Variants in PTBP3 observed in about 807,000 individuals in gnomAD.
The protein encoded by PTBP3 is polypyrimidine tract binding protein 3.
Under a neutral mutation model 58.7 loss-of-function variants are expected in PTBP3, and 20 were observed. The ratio of observed to expected loss-of-function variants is 0.34; its 90% CI spans 0.24 to 0.50. The LOEUF (loss-of-function observed/expected upper bound fraction) is 0.50, where lower values mean the gene tolerates loss of function less well. Among genes scored for constraint, PTBP3 ranks in the 20% least tolerant of loss-of-function variants. The pLI is 0.98. For synonymous variants in PTBP3, 185 were observed against 219.8 expected (o/e 0.84, Z 1.40); for missense variants, 509 against 637.2 (o/e 0.80, Z 2.17).
chr9:112,348,332 CTG>C, the PTBP3 span, among the ~76,000 whole-genome samples: 1 of 152,250 alleles, frequency 6.6e-6, no homozygotes, highest in Non-Finnish European at 1.5e-5. Context: ...ACACCTAAAA[CTG>C]GTGATCAGCA....
the PTBP3 span, among the ~76,000 whole-genome samples, chr9:112,339,628 A>G: frequency 6.8e-6 from 1 of 147,870 alleles, no homozygotes; most frequent in Admixed American, 6.8e-5. Context: ...CAGTGGAATG[A>G]TCTCGGCTCA....
At chr9:112,298,728 C>T (rs1001487154) in intron 1 of PTBP3, among the ~76,000 whole-genome samples, 1 of 152,170 alleles carries the variant, frequency 6.6e-6, no homozygotes, top group Non-Finnish European at 1.5e-5. Context: ...AGTGCTACAG[C>T]ACATATTTAA....
At chr9:112,246,418 G>A (rs925091341) in intron 7 of PTBP3, among the ~76,000 whole-genome samples, 3 of 152,122 alleles carry the variant, frequency 2.0e-5, no homozygotes, top group African/African-American at 7.2e-5. Flanking sequence ...AGGTAGGACA[G>A]GCGCGGTGGC....
chr9:112,219,980 A>T lies in PTBP3; in HGVS notation c.*3871T>A, dbSNP rs1834747584. Reference sequence around the variant, plus strand: ...ATATTTTCAAATTTTGTGCAATCTAAATTGTATTTCTTTCAGCACAATAGT... The same window carrying T: ...ATATTTTCAAATTTTGTGCAATCTATATTGTATTTCTTTCAGCACAATAGT... On this transcript the variant is annotated 3_prime_UTR_variant, in exon 14 of 14. Transcript: ENST00000374257. 1 of 734,358 alleles carries T rather than the reference A, an allele frequency of 1.4e-6. No homozygotes were observed. Among genetic ancestry groups the T allele is most frequent in the Admixed American group, 5.3e-5 (1 of 18,694 alleles). 45.5% of individuals were successfully genotyped at this position (734,358 alleles called of 1,614,324 possible). A position where few individuals can be genotyped will look rare whatever the true frequency, so the allele number is the denominator to read the frequency against.
the PTBP3 span, among the ~76,000 whole-genome samples, chr9:112,373,197 A>G: frequency 6.6e-6 from 1 of 152,144 alleles, no homozygotes; most frequent in African/African-American, 2.4e-5. Flanking sequence ...GGCCCAGCCT[A>G]CATGAGTTTA....
chr9:112,223,778 A>G lies in PTBP3; in HGVS notation c.*73T>C, dbSNP rs1834882220. 2 of 1,595,768 alleles carry G rather than the reference A, an allele frequency of 1.3e-6. No individual in the cohort carries two copies. Among genetic ancestry groups the G allele is most frequent in the Non-Finnish European group, 8.5e-7 (1 of 1,170,782 alleles). On this transcript the variant is annotated 3_prime_UTR_variant, in exon 14 of 14. Coordinates refer to ENST00000374257, the MANE Select transcript of PTBP3 (RefSeq NM_001163788.4). ...TGTGAAAGAGGCAAAATTGGTCTTG[A>G]GCTGCTTCAGTCTATGTCTGAAGGT... is the stretch of plus-strand genomic sequence containing the variant.
At chr9:112,379,044 C>A in the PTBP3 span, among the ~76,000 whole-genome samples, 1 of 152,144 alleles carries the variant, frequency 6.6e-6, no homozygotes, top group Non-Finnish European at 1.5e-5. Context: ...AAAAAATTAG[C>A]CAGGCGTGGT....
At chr9:112,348,527 T>G in the PTBP3 span, among the ~76,000 whole-genome samples, 1 of 152,166 alleles carries the variant, frequency 6.6e-6, no homozygotes, top group African/African-American at 2.4e-5. Context: ...ATGTGGCCCC[T>G]CCCAAGTGTT....
At chr9:112,336,223 G>T (rs905367036), upstream of PTBP3, among the ~76,000 whole-genome samples, 1 of 152,034 alleles carries the variant, frequency 6.6e-6, no homozygotes, top group Non-Finnish European at 1.5e-5. Context: ...TGGAAATTAC[G>T]TTGTTTCCAA....
At chr9:112,290,434 G>C (rs1828341390) in intron 2 of PTBP3, among the ~76,000 whole-genome samples, 1 of 151,942 alleles carries the variant, frequency 6.6e-6, no homozygotes, top group Admixed American at 6.6e-5. Flanking sequence ...CAGCACTTTG[G>C]GAAGCTAAGG....
intron 4 of PTBP3, 138 bp from the exon 5 acceptor site, chr9:112,262,737 T>C (rs1235132331): frequency 1.4e-6 from 1 of 704,000 alleles, no homozygotes; most frequent in East Asian, 3.4e-5. Context: ...GAGATACATA[T>C]CCTAAATTTG....
At chr9:112,230,164 TA>T (rs1388465444) in intron 10 of PTBP3, among the ~76,000 whole-genome samples, 2 of 151,680 alleles carry the variant, frequency 1.3e-5, no homozygotes, top group Admixed American at 6.6e-5. Flanking sequence ...AAAATTCCAT[TA>T]AAAAAAACCT....
Position 112,268,722 on chromosome 9 carries a change from A to T in PTBP3, c.205-527T>A, listed in dbSNP as rs1466580314. Among the ~76,000 whole-genome samples the T allele has an allele frequency of 2.6e-5, 4 of 151,888 alleles. No individual in the cohort carries two copies. In the South Asian group the frequency reaches 6.2e-4, roughly 24 times the overall value. On this transcript the variant is annotated intron_variant, in intron 3 of 13. Transcript: ENST00000374257. Reference sequence around the variant, plus strand: ...AGTAAGACACCGTCTCAAAAAAAAAAAAAAAAAAAAAAAGGATTTAACTGC... The same window carrying T: ...AGTAAGACACCGTCTCAAAAAAAAATAAAAAAAAAAAAAGGATTTAACTGC...
chr9:112,220,130 G>A lies in PTBP3; in HGVS notation c.*3721C>T. On this transcript the variant is annotated 3_prime_UTR_variant, in exon 14 of 14. Coordinates refer to ENST00000374257, the MANE Select transcript of PTBP3 (RefSeq NM_001163788.4). ...GTTTTAAAAATAGCAGTACACATTAGGTTTTCTAAGGGATAGGTGGGGAAA... is the reference window on the plus strand; with the variant it reads ...GTTTTAAAAATAGCAGTACACATTAAGTTTTCTAAGGGATAGGTGGGGAAA... 7.7e-7 allele frequency: 1 copy of A among 1,290,780 alleles called. No individual in the cohort carries two copies. Among genetic ancestry groups the A allele is most frequent in the Non-Finnish European group, 1.0e-6 (1 of 989,586 alleles). 80.0% of individuals were successfully genotyped at this position (1,290,780 alleles called of 1,614,324 possible).
chr9:112,255,612 C>T (rs1268616330), intron 5 of PTBP3, among the ~76,000 whole-genome samples: 2 of 152,116 alleles, frequency 1.3e-5, no homozygotes, highest in African/African-American at 4.8e-5. Context: ...TTACTACCTC[C>T]CCTTTATATA....
upstream of PTBP3, among the ~76,000 whole-genome samples, chr9:112,334,260 A>G (rs932920138): frequency 2.0e-5 from 3 of 152,166 alleles, no homozygotes; most frequent in Non-Finnish European, 4.4e-5. Flanking sequence ...TAAGTATCTG[A>G]GTGCATTTCG....
At chr9:112,352,357 G>A in the PTBP3 span, among the ~76,000 whole-genome samples, 1 of 152,060 alleles carries the variant, frequency 6.6e-6, no homozygotes, top group Non-Finnish European at 1.5e-5. Context: ...GCCTGTCATA[G>A]GATTTTAATC....
At chr9:112,306,081 T>C (rs1010713483) in intron 1 of PTBP3, among the ~76,000 whole-genome samples, 21 of 152,248 alleles carry the variant, frequency 1.4e-4, no homozygotes, top group Admixed American at 3.3e-4. Context: ...CAGTCTTGCA[T>C]GGACCTTGTC....
At position 112,318,518 on chromosome 9, in the gene PTBP3, G is replaced by C. The variant is rs563878468; in HGVS notation, c.-52+14952C>G. 9.8e-5 allele frequency among the ~76,000 whole-genome samples: 15 copies of C among 152,320 alleles called. No homozygotes were observed. The South Asian group carries it at 2.9e-3, about 29-fold the overall frequency. On this transcript the variant is annotated intron_variant, in intron 1 of 13. Transcript: ENST00000374257. ...CTCACACCTATAATCCCAGCACTCT[G>C]GGAGGCCAAGGTGGGCAGATCACTT...
Sources: allele counts gnomAD v4.1 joint callset (sites outside exome capture counted in the v4.1 genomes callset), GRCh38; gene constraint gnomAD v4.1.1; transcripts MANE v1.5; gene names NCBI Gene and HGNC (gene_info 2026-07-23, HGNC 2026-07-21).